The following PDE10A variants were observed in gnomAD, a reference collection of about 807,000 sequenced individuals.
PDE10A encodes the protein phosphodiesterase 10A.
In PDE10A, 39 loss-of-function variants were observed where a neutral mutation model predicts 97.7. That is an observed-to-expected ratio of 0.40 (90% confidence interval 0.31 to 0.52). PDE10A has a LOEUF of 0.52. Among genes scored for constraint, PDE10A ranks in the 20% least tolerant of loss-of-function variants. The pLI is 0.56. For synonymous variants in PDE10A, 371 were observed against 376.8 expected (o/e 0.98, Z 0.18); for missense variants, 731 against 1,047.8 (o/e 0.70, Z 4.17).
At chr6:165,456,913 G>A (rs1777986445) in intron 3 of PDE10A, among the ~76,000 whole-genome samples, 1 of 152,066 alleles carries the variant, frequency 6.6e-6, no homozygotes, top group African/African-American at 2.4e-5. Context: ...TATCTACATA[G>A]TTAACAAATC....
chr6:165,425,797 G>GTA (rs1554260343), intron 10 of PDE10A, among the ~76,000 whole-genome samples: 60 of 151,468 alleles, frequency 4.0e-4, no homozygotes, highest in Non-Finnish European at 7.4e-4. Flanking sequence ...GTGTGTGTGT[G>GTA]TGTATGTATG....
At chr6:165,342,389 AAAG>A (rs1470784458) in intron 19 of PDE10A, among the ~76,000 whole-genome samples, 2 of 152,260 alleles carry the variant, frequency 1.3e-5, no homozygotes, top group Admixed American at 6.5e-5. Context: ...ACAATAAAAT[AAAG>A]AAAAAGCTCA....
At chr6:165,794,470 AC>A (rs1235248376) in intron 1 of PDE10A, among the ~76,000 whole-genome samples, 2 of 151,504 alleles carry the variant, frequency 1.3e-5, no homozygotes, top group Non-Finnish European at 1.5e-5. Context: ...CCATGCATGC[AC>A]GCACACACTC....
At position 165,710,135 on chromosome 6, in the gene PDE10A, G is replaced by A. The variant is rs532966534; in HGVS notation, c.-614-166567C>T. Among the ~76,000 whole-genome samples, 3 of 152,042 alleles carry A rather than the reference G, an allele frequency of 2.0e-5. No homozygotes were observed. The South Asian group carries it at 6.2e-4, about 32-fold the overall frequency. On this transcript the variant is annotated intron_variant, in intron 1 of 19. Coordinates refer to the PDE10A transcript ENST00000366882. The stretch of plus-strand genomic sequence containing the variant: ...CGTGCAGGCTCCTATTTCTAACAGC[G>A]CCGCCACTCTGAGAGATGCCACTTA...
intron 1 of PDE10A, among the ~76,000 whole-genome samples, chr6:165,881,791 G>A (rs539496189): frequency 6.0e-4 from 91 of 152,090 alleles, no homozygotes; most frequent in Non-Finnish European, 1.2e-3. Flanking sequence ...CCAAGAATCT[G>A]TAAGTGGATT....
At chr6:165,884,546 C>T (rs919892807) in intron 1 of PDE10A, among the ~76,000 whole-genome samples, 1 of 152,162 alleles carries the variant, frequency 6.6e-6, no homozygotes, top group South Asian at 2.1e-4. Context: ...CTGTCTCCCC[C>T]CTGAAACTCC....
intron 1 of PDE10A, among the ~76,000 whole-genome samples, chr6:165,575,855 C>T (rs1402538697): frequency 6.6e-6 from 1 of 152,034 alleles, no homozygotes; most frequent in African/African-American, 2.4e-5. Context: ...CTCCCTTGGT[C>T]TCAGTAGTAT....
intron 1 of PDE10A, among the ~76,000 whole-genome samples, chr6:165,845,345 A>C (rs1780384913): frequency 1.3e-5 from 2 of 152,246 alleles, no homozygotes; most frequent in African/African-American, 4.8e-5. Flanking sequence ...CTGAATAGAA[A>C]GGAAAAAAAT....
At chr6:165,802,010 A>T (rs903435) in intron 1 of PDE10A, among the ~76,000 whole-genome samples, 1 of 152,116 alleles carries the variant, frequency 6.6e-6, no homozygotes, top group South Asian at 2.1e-4. Flanking sequence ...AACTTCTGTC[A>T]TAAAGTGAGG....
chr6:165,565,261 T>C (rs1369515004), intron 1 of PDE10A, among the ~76,000 whole-genome samples: 1 of 152,176 alleles, frequency 6.6e-6, no homozygotes. Flanking sequence ...ATTTTCAGAA[T>C]ATGAGTTAAA....
At chr6:165,504,086 T>C (rs932580592) in intron 2 of PDE10A, among the ~76,000 whole-genome samples, 5 of 152,222 alleles carry the variant, frequency 3.3e-5, no homozygotes, top group Admixed American at 6.5e-5. Context: ...CTGCGACTTA[T>C]GGCTCTGTGA....
At chr6:165,504,517 T>C (rs7741165) in intron 2 of PDE10A, among the ~76,000 whole-genome samples, 16,305 of 152,180 alleles carry the variant, frequency 0.11, 1,126 homozygotes, top group East Asian at 0.25. Flanking sequence ...CAACAGCTTC[T>C]TGGGGCTTCA....
At chr6:165,971,943 A>C (rs1331639697) in intron 1 of PDE10A, among the ~76,000 whole-genome samples, 1 of 152,182 alleles carries the variant, frequency 6.6e-6, no homozygotes, top group Non-Finnish European at 1.5e-5. Context: ...ACTTGGGCTT[A>C]ACTTTAAACC....
chr6:165,348,401 G>A (rs1782458797), intron 18 of PDE10A, among the ~76,000 whole-genome samples: 1 of 152,132 alleles, frequency 6.6e-6, no homozygotes, highest in African/African-American at 2.4e-5. Context: ...TCTTAGTTAA[G>A]ACTATACCTG....
At chr6:165,941,265 A>G (rs1783508972) in intron 1 of PDE10A, among the ~76,000 whole-genome samples, 1 of 152,194 alleles carries the variant, frequency 6.6e-6, no homozygotes. Context: ...GTGCTTAGCA[A>G]TTCATTAATA....
intron 5 of PDE10A, among the ~76,000 whole-genome samples, chr6:165,443,930 G>C (rs1445291588): frequency 6.6e-6 from 1 of 152,194 alleles, no homozygotes; most frequent in Admixed American, 6.5e-5. Flanking sequence ...TTGTCTTGGT[G>C]ATTAATATTC....
chr6:165,738,426 G>T (rs1792636301), intron 1 of PDE10A, among the ~76,000 whole-genome samples: 1 of 150,222 alleles, frequency 6.7e-6, no homozygotes, highest in Non-Finnish European at 1.5e-5. Context: ...TGGACATTTG[G>T]GTTGGTTCCA....
At chr6:165,828,073 G>C (rs1779809997) in intron 1 of PDE10A, among the ~76,000 whole-genome samples, 1 of 152,072 alleles carries the variant, frequency 6.6e-6, no homozygotes, top group Non-Finnish European at 1.5e-5. Flanking sequence ...GCCTACTCTT[G>C]GATTACCCAT....
At chr6:165,501,426 T>C (rs1780875712) in intron 2 of PDE10A, among the ~76,000 whole-genome samples, 1 of 152,192 alleles carries the variant, frequency 6.6e-6, no homozygotes, top group South Asian at 2.1e-4. Flanking sequence ...CCAGGCGTGG[T>C]GGCGGGCGCC....
Sources: allele counts gnomAD v4.1 joint callset (sites outside exome capture counted in the v4.1 genomes callset), GRCh38; gene constraint gnomAD v4.1.1; transcripts MANE v1.5; gene names NCBI Gene and HGNC (gene_info 2026-07-23, HGNC 2026-07-21).